SAFB: variants seen among roughly 807,000 people sequenced by gnomAD.
The protein encoded by SAFB is scaffold attachment factor B1.
SAFB carries 15 observed loss-of-function variants against 101.6 expected under a neutral mutation model. The observed-to-expected ratio is 0.15, with a 90% CI of 0.10 to 0.23. SAFB has a LOEUF of 0.23. Ranked by LOEUF, SAFB falls within the 10% of genes least tolerant of loss-of-function variation. SAFB has a pLI of 1.00. For synonymous variants in SAFB, 449 were observed against 407.5 expected, an observed-to-expected ratio of 1.10 and a Z score of -1.23; for missense variants, 930 against 1,104.1, an observed-to-expected ratio of 0.84 and a Z score of 2.23.
chr19:5,628,616 G>A (rs1272592097), intron 2 of SAFB, among the ~76,000 whole-genome samples: 1 of 152,164 alleles, frequency 6.6e-6, no homozygotes, highest in East Asian at 1.9e-4. Flanking sequence ...GGTTCTCAGG[G>A]CCCAAAACTA....
At chr19:5,640,432 C>T (rs939350975) in intron 2 of SAFB, among the ~76,000 whole-genome samples, 7 of 118,900 alleles carry the variant, frequency 5.9e-5, no homozygotes, top group African/African-American at 2.3e-4. Context: ...GTGGTGTGAT[C>T]TCGGCTAACT....
At chr19:5,653,022 C>T in intron 9 of SAFB, 93 bp from the exon 10 acceptor site, 4 of 1,322,200 alleles carry the variant, frequency 3.0e-6, no homozygotes, top group Non-Finnish European at 4.3e-6. Context: ...TGTCGGACCC[C>T]TGATGAGCAG....
At chr19:5,646,073 T>C (rs2053821867) in intron 5 of SAFB, among the ~76,000 whole-genome samples, 1 of 152,152 alleles carries the variant, frequency 6.6e-6, no homozygotes, top group South Asian at 2.1e-4. Context: ...CCTACATAGA[T>C]ACAAATTGTT....
chr19:5,661,035 A>C (rs2054189329), intron 14 of SAFB, among the ~76,000 whole-genome samples: 1 of 137,736 alleles, frequency 7.3e-6, no homozygotes, highest in Non-Finnish European at 1.5e-5. Context: ...TTCCTGCCTC[A>C]GCCTCCGGAG....
chr19:5,659,881 A>G (rs952779220), intron 14 of SAFB, among the ~76,000 whole-genome samples: 2 of 152,086 alleles, frequency 1.3e-5, no homozygotes, highest in South Asian at 4.2e-4. Context: ...ACCTATGAAC[A>G]AGGAAGTGTG....
intron 1 of SAFB, among the ~76,000 whole-genome samples, chr19:5,624,814 C>T (rs770455197): frequency 1.3e-5 from 2 of 151,476 alleles, no homozygotes; most frequent in African/African-American, 2.4e-5. Context: ...ATTCTCTTTA[C>T]TCAGATAAGG....
intron 7 of SAFB, 74 bp from the exon 8 acceptor site, chr19:5,649,852 C>T (rs938497143): frequency 1.2e-5 from 17 of 1,370,746 alleles, no homozygotes; most frequent in Non-Finnish European, 1.8e-5. Flanking sequence ...GCAACCTCAG[C>T]ACGAATTTTA....
chr19:5,661,947 C>T, intron 15 of SAFB, 139 bp downstream of exon 15: 5 of 676,152 alleles, frequency 7.4e-6, no homozygotes, highest in Admixed American at 3.0e-5. Context: ...TGCAGTGACC[C>T]GATCTTGGCT....
chr19:5,626,481 C>T lies in SAFB; in HGVS notation c.266C>T (p.Ser89Phe), dbSNP rs753487691. The change falls in exon 2 of 21, where the codon TCT (serine) becomes TTT (phenylalanine). Residue 89 changes from serine to phenylalanine, a missense_variant. Physicochemically the swap from Ser to Phe is radical, Grantham distance 155. Transcript: ENST00000588852. ...GGAAACAAGAAAACATCAAAGAGGT[C>T]TAGCAAAGGTATGGAGGATTTCATA... The part of the protein sequence containing the change: ...SEGNKKTSKR[S>F]SKGRKPEEEG... The T allele has an allele frequency of 8.2e-6, 13 of 1,592,874 alleles. No homozygotes were observed. Among genetic ancestry groups the T allele is most frequent in the African/African-American group, 4.0e-5 (3 of 74,438 alleles).
chr19:5,667,902 G>A lies in SAFB; in HGVS notation c.2624+16G>A. On this transcript the variant is annotated intron_variant, in intron 20 of 20. Coordinates refer to ENST00000588852, the MANE Select transcript of SAFB (RefSeq NM_001201338.2). This position sits in a 1 kb window ranked among gnomAD's most constrained non-coding sequence, Gnocchi z 4.0. ...GAATGTCAGGGTAAGGCATGCTGGG[G>A]GCGGCGCCCCTTCCCCCTGCTTTGC... is the stretch of plus-strand genomic sequence containing the variant. 1 of 1,589,734 alleles carries A rather than the reference G, an allele frequency of 6.3e-7. No homozygotes were observed. The highest frequency in any genetic ancestry group is 8.6e-7 in the Non-Finnish European group (1 of 1,168,262).
rs189014119 is a variant in SAFB, at chr19:5,623,679, C to T, written c.189+285C>T. 7.2e-4 allele frequency among the ~76,000 whole-genome samples: 109 copies of T among 152,232 alleles called. 1 individual carries two copies. The highest frequency in any genetic ancestry group is 5.4e-3 in the East Asian group (28 of 5,150). On this transcript the variant is annotated intron_variant, in intron 1 of 20. Coordinates refer to ENST00000588852, the MANE Select transcript of SAFB (RefSeq NM_001201338.2). ...ATCGTCCACTGAGAGGAGGGTTCTC[C>T]CCTCGTCTCGTCCCCTCCTCCGTAC...
rs530042496 is a variant in SAFB, at chr19:5,626,154, CA to C, written c.190-250del. ...CTGTATTATTATTAGCCGCATGTTC[CA>C]GAGGAAGAAGCAAAAACTGAGCACC... is the stretch of plus-strand genomic sequence containing the variant. On this transcript the variant is annotated intron_variant, in intron 1 of 20. Coordinates refer to ENST00000588852, the MANE Select transcript of SAFB (RefSeq NM_001201338.2). 2.0e-5 allele frequency among the ~76,000 whole-genome samples: 3 copies of C among 152,236 alleles called. No individual in the cohort carries two copies. The South Asian group carries it at 6.2e-4, about 32-fold the overall frequency.
chr19:5,654,126 G>C lies in SAFB; in HGVS notation c.1592G>C (p.Gly531Ala). 3.1e-6 allele frequency: 5 copies of C among 1,614,184 alleles called. No individual in the cohort carries two copies. The highest frequency in any genetic ancestry group is 1.7e-5 in the Admixed American group (1 of 60,022). Reference protein sequence around the residue: ...RKDDAKKGDDGSGEKSKDQDD... With the variant: ...RKDDAKKGDDASGEKSKDQDD... The stretch of plus-strand genomic sequence containing the variant: ...GATGATGCTAAGAAGGGTGACGACG[G>C]AAGTGGAGAAAAGAGTAAGGACCAA... Residue 531 changes from glycine to alanine, a missense_variant, in exon 12 of 21, where the codon GGA becomes GCA. By Grantham distance (60) the Gly-to-Ala change is moderately conservative (BLOSUM62 0). Transcript: ENST00000588852.
At chr19:5,627,107 C>G (rs1029067328) in intron 2 of SAFB, among the ~76,000 whole-genome samples, 4 of 151,374 alleles carry the variant, frequency 2.6e-5, no homozygotes, top group Non-Finnish European at 5.9e-5. Context: ...CCCAGGAGCT[C>G]AAGCCTGCAA....
At chr19:5,650,343 A>G (rs971441204) in intron 8 of SAFB, among the ~76,000 whole-genome samples, 1 of 152,212 alleles carries the variant, frequency 6.6e-6, no homozygotes, top group African/African-American at 2.4e-5. Flanking sequence ...GAAACAGTGC[A>G]TTGTTGACAC....
chr19:5,630,931 C>T (rs1421155204), intron 2 of SAFB, among the ~76,000 whole-genome samples: 1 of 152,002 alleles, frequency 6.6e-6, no homozygotes, highest in Non-Finnish European at 1.5e-5. Context: ...GTGGCTCATG[C>T]CTGTAATCCC....
intron 2 of SAFB, among the ~76,000 whole-genome samples, chr19:5,635,031 G>A (rs770136326): frequency 6.6e-6 from 1 of 152,036 alleles, no homozygotes; most frequent in African/African-American, 2.4e-5. Context: ...CCAGCTACTC[G>A]GGAGGCTGAG....
rs369934724 is a variant in SAFB, at chr19:5,654,411, A to G, written c.1710A>G (p.Lys570=). 7 of 1,565,488 alleles carry G rather than the reference A, an allele frequency of 4.5e-6. No homozygotes were observed. The highest frequency in any genetic ancestry group is 5.2e-6 in the Non-Finnish European group (6 of 1,147,620). The change falls in exon 13 of 21, where the codon AAA becomes AAG. Residue 570 remains lysine (K), a synonymous_variant. Coordinates refer to ENST00000588852, the MANE Select transcript of SAFB (RefSeq NM_001201338.2). The stretch of plus-strand genomic sequence containing the variant: ...GGACTGTAGTAATGGATAAATCCAA[A>G]GGGGTGCCTGTGATTAGTGTAAAAA... The part of the protein sequence containing the change: ...TERTVVMDKS[K]GVPVISVKTS...
chr19:5,624,709 T>C (rs2053313304), intron 1 of SAFB, among the ~76,000 whole-genome samples: 1 of 139,986 alleles, frequency 7.1e-6, no homozygotes, highest in Admixed American at 7.2e-5. Context: ...TTTTTTTTCC[T>C]GATGAGAAAC....
Sources: gnomAD v4.1 joint callset for allele counts (sites outside exome capture counted in the v4.1 genomes callset) on GRCh38, gnomAD v4.1.1 for gene constraint, Gnocchi (gnomAD v3.1) non-coding constraint, MANE v1.5 for transcripts, NCBI Gene and HGNC (gene_info 2026-07-23, HGNC 2026-07-21) for gene names.